DNAH11: variants seen among roughly 807,000 people sequenced by gnomAD.
The protein encoded by DNAH11 is dynein axonemal heavy chain 11, also known as axonemal beta dynein heavy chain 11.
A neutral mutation model predicts 526.0 loss-of-function variants in DNAH11; 442 were observed. The observed-to-expected ratio is 0.84, with a 90% CI of 0.78 to 0.91. The LOEUF is 0.91. DNAH11 is among the 40% of genes least tolerant of loss of function. The pLI, the probability that DNAH11 is intolerant of heterozygous loss-of-function variation, is 0.00. For missense variants in DNAH11, 6,989 were observed against 5,448.7 expected (o/e 1.28, Z -8.90); for synonymous variants, 2,461 against 1,935.9 (o/e 1.27, Z -7.12).
chr7:21,754,222 G>C (rs1195539126), intron 54 of DNAH11, among the ~76,000 whole-genome samples: 4 of 152,068 alleles, frequency 2.6e-5, no homozygotes, highest in Non-Finnish European at 4.4e-5. Flanking sequence ...TTCACTGTTA[G>C]GTCTTATGTT....
intron 74 of DNAH11, among the ~76,000 whole-genome samples, chr7:21,874,466 G>A (rs1044441879): frequency 6.6e-6 from 1 of 151,942 alleles, no homozygotes; most frequent in African/African-American, 2.4e-5. Flanking sequence ...CTCCCAGGTA[G>A]CTGGGATTAC....
At chr7:21,552,961 T>C (rs1229137438) in intron 2 of DNAH11, among the ~76,000 whole-genome samples, 2 of 152,070 alleles carry the variant, frequency 1.3e-5, no homozygotes, top group Admixed American at 6.6e-5. Flanking sequence ...GCTTTTTGAC[T>C]GAGAGAATTG....
At chr7:21,762,710 A>T (rs1583668256) in intron 54 of DNAH11, among the ~76,000 whole-genome samples, 1 of 152,342 alleles carries the variant, frequency 6.6e-6, no homozygotes, top group East Asian at 1.9e-4. Flanking sequence ...CCACATGCAA[A>T]AAAATGAAAT....
Position 21,687,187 on chromosome 7 carries a change from A to G in DNAH11, c.5710A>G (p.Lys1904Glu), listed in dbSNP as rs1783412022. 1 of 1,612,508 alleles carries G rather than the reference A, an allele frequency of 6.2e-7. No individual in the cohort carries two copies. Among genetic ancestry groups the G allele is most frequent in the Non-Finnish European group, 8.5e-7 (1 of 1,179,236 alleles). Residue 1904 changes from lysine (K) to glutamate (E), a missense_variant, in exon 33 of 82, where the codon AAA (lysine) becomes GAA (glutamate). Transcript: ENST00000409508. Reference sequence around the variant, plus strand: ...TGGTACCGGGAAAACAGAGACCACCAAAGACCTAGGACGTGCCCTTGGCAT... The same window carrying G: ...TGGTACCGGGAAAACAGAGACCACCGAAGACCTAGGACGTGCCCTTGGCAT... Reference protein sequence around the residue: ...PAGTGKTETTKDLGRALGMMV... With the variant: ...PAGTGKTETTEDLGRALGMMV...
intron 35 of DNAH11, among the ~76,000 whole-genome samples, chr7:21,695,076 G>A (rs577578036): frequency 2.6e-4 from 40 of 152,228 alleles, no homozygotes; most frequent in African/African-American, 9.6e-4. Flanking sequence ...ACAAACCACT[G>A]CTCAAGGAAA....
At chr7:21,752,888 A>G (rs980368883) in intron 54 of DNAH11, among the ~76,000 whole-genome samples, 1 of 151,834 alleles carries the variant, frequency 6.6e-6, no homozygotes, top group Non-Finnish European at 1.5e-5. Flanking sequence ...AATTTTTTGT[A>G]TTTTTAGTAG....
At chr7:21,814,071 T>C (rs1178102153) in intron 63 of DNAH11, among the ~76,000 whole-genome samples, 2 of 152,220 alleles carry the variant, frequency 1.3e-5, no homozygotes, top group African/African-American at 4.8e-5. Flanking sequence ...CAGCATGTTA[T>C]TTTATTGAAT....
chr7:21,726,919 T>C lies in DNAH11; in HGVS notation c.7440+935T>C, dbSNP rs562932815. Among the ~76,000 whole-genome samples the C allele has an allele frequency of 3.8e-5, 5 of 133,082 alleles. No homozygotes were observed. The Admixed American group carries it at 3.9e-4, about 10-fold the overall frequency. The allele number at this position is 133,082 out of a possible 152,430, so 87.3% of individuals were successfully genotyped here. A position where few individuals can be genotyped will look rare whatever the true frequency, so the allele number is the denominator to read the frequency against. ...ATGCTTAGTGAGATGTCTGTTATAT[T>C]TCTGCATCCTCTTTTCTTTTTTTTT... On this transcript the variant is annotated intron_variant, in intron 45 of 81. Coordinates refer to ENST00000409508, the MANE Select transcript of DNAH11 (RefSeq NM_001277115.2).
chr7:21,657,495 G>A (rs908348230), intron 29 of DNAH11, among the ~76,000 whole-genome samples: 14 of 152,272 alleles, frequency 9.2e-5, no homozygotes, highest in East Asian at 3.9e-4. Flanking sequence ...TCATCTGTAC[G>A]TGAGCTGACA....
At chr7:21,701,183 T>G (rs1784042468) in intron 36 of DNAH11, among the ~76,000 whole-genome samples, 1 of 152,164 alleles carries the variant, frequency 6.6e-6, no homozygotes, top group Non-Finnish European at 1.5e-5. Context: ...TCAGTGGCTT[T>G]CAAATGATCT....
chr7:21,899,119 C>G lies in DNAH11; in HGVS notation c.13050-217C>G, dbSNP rs533000992. Among the ~76,000 whole-genome samples, 3 of 152,310 alleles carry G rather than the reference C, an allele frequency of 2.0e-5. No homozygotes were observed. In the South Asian group the frequency reaches 6.2e-4, roughly 32 times the overall value. ...TCCACATTCCTCAGTGTATCTTGCT[C>G]TAATGTAAACGCTACAGTCATCAAG... On this transcript the variant is annotated intron_variant, in intron 79 of 81. Transcript: ENST00000409508.
rs577984555 is a variant in DNAH11, at chr7:21,576,360, C to T, written c.1593+4387C>T. Among the ~76,000 whole-genome samples the T allele has an allele frequency of 2.6e-5, 4 of 152,256 alleles. No homozygotes were observed. The East Asian group carries it at 7.7e-4, about 29-fold the overall frequency. On this transcript the variant is annotated intron_variant, in intron 8 of 81. Transcript: ENST00000409508. ...TATTGCAGGAAGCCCAGAAAGGAAG[C>T]ACCAAGTTGGTTTAAGGGACTGTTC...
Position 21,688,594 on chromosome 7 carries a change from A to C in DNAH11, c.5924+1067A>C, listed in dbSNP as rs148463409. Among the ~76,000 whole-genome samples, 998 of 152,302 alleles carry C rather than the reference A, an allele frequency of 6.6e-3. 8 individuals carry two copies. Among genetic ancestry groups the C allele is most frequent in the African/African-American group, 0.023 (947 of 41,556 alleles). Reference sequence around the variant, plus strand: ...ACTGCCTGGGGCATCCCAAGGCTCTACTGGAGGTCTCCCAGGCTTCTCATA... The same window carrying C: ...ACTGCCTGGGGCATCCCAAGGCTCTCCTGGAGGTCTCCCAGGCTTCTCATA... On this transcript the variant is annotated intron_variant, in intron 34 of 81. Transcript: ENST00000409508.
chr7:21,581,942 C>T lies in DNAH11; in HGVS notation c.1631C>T (p.Thr544Ile), dbSNP rs1214292900. The change falls in exon 9 of 82, where the codon ACT becomes ATT. Residue 544 changes from threonine (T) to isoleucine (I), a missense_variant. By Grantham distance (89) the Thr-to-Ile change is moderately conservative. Coordinates refer to ENST00000409508, the MANE Select transcript of DNAH11 (RefSeq NM_001277115.2). ...GATTATGTGGCATTTAAGTCCAAAACTCTGGAATTTGACAGAAGGCTTGGG... is the reference window on the plus strand; with the variant it reads ...GATTATGTGGCATTTAAGTCCAAAATTCTGGAATTTGACAGAAGGCTTGGG... ...ESDYVAFKSK[T>I]LEFDRRLGTI... 11 of 1,612,736 alleles carry T rather than the reference C, an allele frequency of 6.8e-6. No individual in the cohort carries two copies. In the South Asian group the frequency reaches 9.9e-5, roughly 15 times the overall value.
At chr7:21,807,478 G>A (rs1354145046) in intron 62 of DNAH11, among the ~76,000 whole-genome samples, 1 of 152,216 alleles carries the variant, frequency 6.6e-6, no homozygotes, top group Non-Finnish European at 1.5e-5. Context: ...CAGCACGGGT[G>A]ATAGAGCCAG....
chr7:21,882,163 C>T (rs1274445231), intron 75 of DNAH11, among the ~76,000 whole-genome samples: 2 of 152,154 alleles, frequency 1.3e-5, no homozygotes, highest in East Asian at 1.9e-4. Context: ...GAATCCTATA[C>T]ACCATTGAGG....
rs1339960032 is a variant in DNAH11 at position 21,687,151 on chromosome 7, G to A, written c.5674G>A (p.Ala1892Thr). Reference protein sequence around the residue: ...SLHLTMSGAPAGPAGTGKTET... With the variant: ...SLHLTMSGAPTGPAGTGKTET... ...TCATCTAACCATGAGTGGGGCTCCT[G>A]CTGGCCCAGCTGGTACCGGGAAAAC... Residue 1892 changes from alanine to threonine, a missense_variant, in exon 33 of 82, where the codon GCT becomes ACT. Ala to Thr is a moderately conservative substitution (Grantham distance 58). Transcript: ENST00000409508. 5 of 1,613,188 alleles carry A rather than the reference G, an allele frequency of 3.1e-6. No homozygotes were observed. The highest frequency in any genetic ancestry group is 3.3e-5 in the Admixed American group (2 of 59,884).
intron 68 of DNAH11, among the ~76,000 whole-genome samples, chr7:21,860,136 G>A (rs1032344725): frequency 9.2e-5 from 14 of 152,030 alleles, no homozygotes; most frequent in African/African-American, 2.7e-4. Context: ...TCACTCCACC[G>A]CACTCCAGGC....
chr7:21,860,287 C>CAAA, intron 68 of DNAH11, among the ~76,000 whole-genome samples: 1 of 149,920 alleles, frequency 6.7e-6, no homozygotes, highest in Non-Finnish European at 1.5e-5. Flanking sequence ...TGGCTACTAT[C>CAAA]AAAAAAAAAA....
Sources: gnomAD v4.1 joint callset for allele counts (sites outside exome capture counted in the v4.1 genomes callset) on GRCh38, gnomAD v4.1.1 for gene constraint, MANE v1.5 for transcripts, NCBI Gene and HGNC (gene_info 2026-07-23, HGNC 2026-07-21) for gene names.